Variants in SPOCK3 observed in about 807,000 individuals in gnomAD.
SPOCK3 encodes the protein SPARC (osteonectin), cwcv and kazal like domains proteoglycan 3.
Under a neutral mutation model 56.6 loss-of-function variants are expected in SPOCK3, and 30 were observed. That is an observed-to-expected ratio of 0.53 (90% CI 0.40 to 0.72). The LOEUF is 0.72. Among genes scored for constraint, SPOCK3 ranks in the 30% least tolerant of loss-of-function variants. SPOCK3 has a pLI of 0.00. For missense variants in SPOCK3, 527 were observed against 530.0 expected, an observed-to-expected ratio of 0.99 and a Z score of 0.06; for synonymous variants, 196 against 183.3, an observed-to-expected ratio of 1.07 and a Z score of -0.56.
At chr4:166,980,477 GT>G (rs1202986436) in intron 4 of SPOCK3, among the ~76,000 whole-genome samples, 5 of 152,224 alleles carry the variant, frequency 3.3e-5, no homozygotes, top group Non-Finnish European at 7.3e-5. Context: ...CTTTGCCCAA[GT>G]TTTGCTTGGG....
chr4:167,194,934 G>A (rs756580534), intron 2 of SPOCK3, among the ~76,000 whole-genome samples: 42 of 152,340 alleles, frequency 2.8e-4, no homozygotes, highest in Non-Finnish European at 5.4e-4. Flanking sequence ...AGATACCTGT[G>A]TTGGCAGTAC....
chr4:166,880,799 C>T (rs1733607720), intron 6 of SPOCK3, among the ~76,000 whole-genome samples: 1 of 152,160 alleles, frequency 6.6e-6, no homozygotes, highest in African/African-American at 2.4e-5. Flanking sequence ...ACAATCATTT[C>T]AAGCCTCAAT....
At chr4:166,840,628 T>A (rs1394243339) in intron 6 of SPOCK3, among the ~76,000 whole-genome samples, 3 of 152,060 alleles carry the variant, frequency 2.0e-5, no homozygotes, top group Non-Finnish European at 2.9e-5. Flanking sequence ...TATTCCTTGG[T>A]TCCTGAGGTC....
At chr4:166,821,000 T>C (rs1298663256) in intron 6 of SPOCK3, among the ~76,000 whole-genome samples, 1 of 151,796 alleles carries the variant, frequency 6.6e-6, no homozygotes, top group Non-Finnish European at 1.5e-5. Context: ...ATCAAGAATG[T>C]GAAAAGGTAG....
At chr4:166,857,476 A>G (rs953314317) in intron 6 of SPOCK3, among the ~76,000 whole-genome samples, 1 of 152,212 alleles carries the variant, frequency 6.6e-6, no homozygotes. Context: ...ATTTATCTAA[A>G]GTGAACTAGG....
chr4:167,150,947 T>A (rs1252174946), intron 2 of SPOCK3, among the ~76,000 whole-genome samples: 1 of 152,180 alleles, frequency 6.6e-6, no homozygotes, highest in Non-Finnish European at 1.5e-5. Context: ...ATATTTATGA[T>A]CAGAGTATAA....
At chr4:166,852,887 T>G (rs1323155115) in intron 6 of SPOCK3, among the ~76,000 whole-genome samples, 2 of 152,194 alleles carry the variant, frequency 1.3e-5, no homozygotes, top group African/African-American at 4.8e-5. Context: ...CTGTTACATT[T>G]TATTGCTGGT....
intron 2 of SPOCK3, chr4:167,083,088 GC>G (rs1757870252): frequency 2.8e-6 from 2 of 718,222 alleles, no homozygotes; most frequent in Non-Finnish European, 5.1e-6. Context: ...ATACCAAAGA[GC>G]CCCCCTCACA....
chr4:167,034,232 C>A (rs1257986521), intron 3 of SPOCK3, among the ~76,000 whole-genome samples: 1 of 151,634 alleles, frequency 6.6e-6, no homozygotes, highest in African/African-American at 2.4e-5. Context: ...ATTGTATTTA[C>A]TATTTTTTCT....
At chr4:167,009,838 AAG>A (rs1481481949) in intron 3 of SPOCK3, among the ~76,000 whole-genome samples, 1 of 152,060 alleles carries the variant, frequency 6.6e-6, no homozygotes, top group Non-Finnish European at 1.5e-5. Flanking sequence ...TTCATGTCAT[AAG>A]AGAAAATATT....
chr4:167,169,800 T>C (rs1019148463), intron 2 of SPOCK3, among the ~76,000 whole-genome samples: 2 of 152,090 alleles, frequency 1.3e-5, no homozygotes, highest in Non-Finnish European at 2.9e-5. Flanking sequence ...TCCCCAAGTG[T>C]CAAGGTGGAG....
intron 4 of SPOCK3, among the ~76,000 whole-genome samples, chr4:166,921,598 G>A (rs1738494247): frequency 6.6e-6 from 1 of 152,180 alleles, no homozygotes; most frequent in African/African-American, 2.4e-5. Flanking sequence ...TTACAGGCAT[G>A]AGCCACTGCA....
intron 6 of SPOCK3, among the ~76,000 whole-genome samples, chr4:166,871,456 G>A (rs1027916173): frequency 2.0e-5 from 3 of 152,034 alleles, no homozygotes; most frequent in African/African-American, 7.2e-5. Flanking sequence ...GATAATTTTA[G>A]TAAAACAAAC....
intron 2 of SPOCK3, among the ~76,000 whole-genome samples, chr4:167,113,416 CAATT>C (rs1351980176): frequency 6.6e-6 from 1 of 151,164 alleles, no homozygotes; most frequent in East Asian, 2.0e-4. Flanking sequence ...GTTTTGCTCT[CAATT>C]AAACACAAGT....
chr4:166,908,791 A>C (rs886184816), intron 5 of SPOCK3, among the ~76,000 whole-genome samples: 6 of 152,074 alleles, frequency 3.9e-5, no homozygotes, highest in African/African-American at 1.4e-4. Flanking sequence ...AAATACATCC[A>C]TGATCTAACA....
intron 3 of SPOCK3, among the ~76,000 whole-genome samples, chr4:167,021,832 T>A (rs1751212566): frequency 6.6e-6 from 1 of 151,972 alleles, no homozygotes; most frequent in African/African-American, 2.4e-5. Context: ...CACACAGACA[T>A]GTCCAGATTG....
intron 2 of SPOCK3, among the ~76,000 whole-genome samples, chr4:167,099,816 T>C (rs1266606749): frequency 2.0e-5 from 3 of 152,102 alleles, no homozygotes; most frequent in African/African-American, 7.2e-5. Context: ...CTGCTCAAGT[T>C]TCCCTTTTTG....
chr4:166,912,499 AATTT>A (rs1461479807), intron 5 of SPOCK3, 117 bp downstream of exon 5: 2 of 997,278 alleles, frequency 2.0e-6, no homozygotes, highest in African/African-American at 3.3e-5. Flanking sequence ...TGAGATTATT[AATTT>A]ATTTTATAAG....
intron 2 of SPOCK3, chr4:167,062,739 C>A (rs949411159): frequency 7.6e-6 from 4 of 529,464 alleles, no homozygotes; most frequent in East Asian, 6.1e-5. Context: ...AAGGAACACA[C>A]TGTTTTCAAG....
Sources: gnomAD v4.1 joint callset for allele counts (sites outside exome capture counted in the v4.1 genomes callset) on GRCh38, gnomAD v4.1.1 for gene constraint, MANE v1.5 for transcripts, NCBI Gene and HGNC (gene_info 2026-07-23, HGNC 2026-07-21) for gene names.